Variants in PNPLA7 observed in about 807,000 individuals in gnomAD.
PNPLA7 encodes patatin like domain 7, lysophospholipase.
A neutral mutation model predicts 161.7 loss-of-function variants in PNPLA7; 153 were observed. The observed-to-expected ratio is 0.95, with a 90% CI of 0.83 to 1.08. PNPLA7 has a LOEUF of 1.08. Among genes scored for constraint, PNPLA7 ranks in the 50% least tolerant of loss-of-function variants. PNPLA7 has a pLI of 0.00. For synonymous variants in PNPLA7, 809 were observed against 782.1 expected, an observed-to-expected ratio of 1.03 and a Z score of -0.57; for missense variants, 1,739 against 1,856.6, an observed-to-expected ratio of 0.94 and a Z score of 1.16.
At chr9:137,516,935 C>G (rs147413148) in intron 11 of PNPLA7, among the ~76,000 whole-genome samples, 182 of 151,970 alleles carry the variant, frequency 1.2e-3, no homozygotes, top group African/African-American at 4.3e-3. Flanking sequence ...GTCTCACAAG[C>G]ACACATGAGT....
At chr9:137,461,896 G>C (rs1017030356) in intron 32 of PNPLA7, 35 bp downstream of exon 32, 3 of 1,510,938 alleles carry the variant, frequency 2.0e-6, no homozygotes, top group Non-Finnish European at 2.7e-6. Flanking sequence ...GGCGCGGTCC[G>C]GGGAGCTGGG....
chr9:137,504,019 G>T (rs1204428806), intron 14 of PNPLA7, among the ~76,000 whole-genome samples: 2 of 108,858 alleles, frequency 1.8e-5, no homozygotes, highest in East Asian at 3.3e-4. Flanking sequence ...GAAGGAAGAA[G>T]AAGAAGGAGG....
chr9:137,488,130 C>T (rs945154908), intron 20 of PNPLA7, among the ~76,000 whole-genome samples: 13 of 152,256 alleles, frequency 8.5e-5, no homozygotes, highest in South Asian at 8.3e-4. Flanking sequence ...TCGGCCTGAA[C>T]GCTGCTCTCG....
intron 9 of PNPLA7, among the ~76,000 whole-genome samples, chr9:137,522,360 C>T (rs909577818): frequency 1.2e-4 from 18 of 146,748 alleles, no homozygotes; most frequent in East Asian, 4.3e-4. Context: ...AGGCGGGAGC[C>T]GCCGCGCCCG....
At chr9:137,492,195 G>A (rs1832795193) in intron 20 of PNPLA7, 12 of 985,136 alleles carry the variant, frequency 1.2e-5, no homozygotes, top group African/African-American at 1.7e-5. Flanking sequence ...ATATGCTGGA[G>A]CAGGGAAAAC....
At position 137,540,719 on chromosome 9, in the gene PNPLA7, C is replaced by T. The variant is rs200968966; in HGVS notation, c.670G>A (p.Gly224Ser). 13 of 1,608,706 alleles carry T rather than the reference C, an allele frequency of 8.1e-6. No homozygotes were observed. In the East Asian group the frequency reaches 1.1e-4, roughly 14 times the overall value. ...ACCTCTTTCACCACCACCTCGGTGC[C>T]GTCCTGCGCTTGGAGAGCAGAGTGG... ...RLEVCIQDTD[G>S]TEVVVKEVLA... Residue 224 changes from glycine (G) to serine (S), a missense_variant, in exon 8 of 35, where the codon GGC becomes AGC. This residue lies in a region of PNPLA7 where 152 missense variants were observed against 193.5 expected (regional missense o/e 0.79). Transcript: ENST00000406427. The surrounding 1 kb of genome is among the most constrained non-coding windows in gnomAD (Gnocchi z 5.1).
intron 8 of PNPLA7, among the ~76,000 whole-genome samples, chr9:137,529,753 G>A (rs1327306154): frequency 1.3e-5 from 2 of 151,446 alleles, no homozygotes; most frequent in Middle Eastern, 3.4e-3. Flanking sequence ...CGCCTCCTGG[G>A]TTGAAGCAAC....
chr9:137,543,862 G>A lies in PNPLA7; in HGVS notation c.274-47C>T, dbSNP rs1219753328. ...CAGCCACTGACCCTGCAAGCCGCAA[G>A]GTCCAAGCTCTTTGCCATGGGGATC... On this transcript the variant is annotated intron_variant, in intron 4 of 34. Transcript: ENST00000406427. This position sits in a 1 kb window ranked among gnomAD's most constrained non-coding sequence, Gnocchi z 6.9. 6.6e-7 allele frequency: 1 copy of A among 1,522,598 alleles called. No individual in the cohort carries two copies. The highest frequency in any genetic ancestry group is 9.1e-7 in the Non-Finnish European group (1 of 1,097,502). 94.3% of individuals were successfully genotyped at this position (1,522,598 alleles called of 1,614,324 possible).
rs1188601678 is a variant in PNPLA7 at position 137,499,020 on chromosome 9, C to T, written c.1758-775G>A. On this transcript the variant is annotated intron_variant, in intron 16 of 34. Transcript: ENST00000406427. The surrounding 1 kb of genome is among the most constrained non-coding windows in gnomAD (Gnocchi z 5.5). ...AGTGGCTGGGTGAGGGCGTGAAGGG[C>T]GTGAGCGTGGCACTTAGAGCCCTGG... Among the ~76,000 whole-genome samples the T allele has an allele frequency of 2.0e-5, 3 of 151,966 alleles. No homozygotes were observed. Among genetic ancestry groups the T allele is most frequent in the East Asian group, 3.9e-4 (2 of 5,182 alleles).
rs1363800376 is a variant in PNPLA7 at position 137,490,670 on chromosome 9, C to A, written c.2197+2343G>T. ...AGACCTTCTCTGAAAGAACCGCTAA[C>A]CACAATTCTTCAACAGCAAGGAGAC... On this transcript the variant is annotated intron_variant, in intron 20 of 34. Coordinates refer to ENST00000406427, the MANE Select transcript of PNPLA7 (RefSeq NM_001098537.3). This position sits in a 1 kb window ranked among gnomAD's most constrained non-coding sequence, Gnocchi z 4.1. Among the ~76,000 whole-genome samples the A allele has an allele frequency of 6.6e-6, 1 of 152,184 alleles. No individual in the cohort carries two copies. The highest frequency in any genetic ancestry group is 6.5e-5 in the Admixed American group (1 of 15,280).
At chr9:137,498,859 C>T (rs528592002) in intron 16 of PNPLA7, among the ~76,000 whole-genome samples, 8 of 152,228 alleles carry the variant, frequency 5.3e-5, no homozygotes, top group South Asian at 2.1e-4. Context: ...TGACGCCGGG[C>T]GACTCCAGGC....
chr9:137,461,626 G>T lies in PNPLA7; in HGVS notation c.3757-6C>A. The T allele has an allele frequency of 6.2e-7, 1 of 1,607,964 alleles. No homozygotes were observed. The highest frequency in any genetic ancestry group is 8.5e-7 in the Non-Finnish European group (1 of 1,176,720). ...GCGTTGGGACAGGTGAGGACCTAGGGGTGGGGTGAGGACAGCACGTTGCCT... is the reference window on the plus strand; with the variant it reads ...GCGTTGGGACAGGTGAGGACCTAGGTGTGGGGTGAGGACAGCACGTTGCCT... On this transcript the variant is annotated splice_region_variant and splice_polypyrimidine_tract_variant and intron_variant, in intron 32 of 34. Transcript: ENST00000406427.
intron 29 of PNPLA7, chr9:137,463,072 C>A: frequency 1.6e-6 from 1 of 628,038 alleles, no homozygotes; most frequent in South Asian, 2.0e-5. Flanking sequence ...TGGCCTGGCC[C>A]CCAGCAAGCT....
In PNPLA7 at chr9:137,490,495, A is replaced by G. The variant is rs1290648132; in HGVS notation, c.2197+2518T>C. On this transcript the variant is annotated intron_variant, in intron 20 of 34. Coordinates refer to ENST00000406427, the MANE Select transcript of PNPLA7 (RefSeq NM_001098537.3). The surrounding 1 kb of genome is among the most constrained non-coding windows in gnomAD (Gnocchi z 4.1). ...TGAGAAGCAACAGAGGCCATGAGGA[A>G]GTGGCACAAGATTTTTAAAGTGCTG... Among the ~76,000 whole-genome samples the G allele has an allele frequency of 6.6e-6, 1 of 152,236 alleles. No individual in the cohort carries two copies. The highest frequency in any genetic ancestry group is 1.5e-5 in the Non-Finnish European group (1 of 68,048).
intron 11 of PNPLA7, among the ~76,000 whole-genome samples, chr9:137,518,553 ACTCG>A (rs201967652): frequency 7.5e-5 from 3 of 40,188 alleles, no homozygotes; most frequent in African/African-American, 3.2e-4. Flanking sequence ...TCCCCCACTC[ACTCG>A]CTCCACTCTG....
At chr9:137,538,384 G>A (rs757694308) in intron 8 of PNPLA7, among the ~76,000 whole-genome samples, 1 of 152,198 alleles carries the variant, frequency 6.6e-6, no homozygotes, top group African/African-American at 2.4e-5. Context: ...TGGACACCCC[G>A]ATGTCTGGCT....
intron 20 of PNPLA7, among the ~76,000 whole-genome samples, chr9:137,492,522 T>C (rs1174447871): frequency 4.3e-5 from 1 of 23,402 alleles, no homozygotes; most frequent in African/African-American, 1.7e-4. Flanking sequence ...TGGGTGGGGC[T>C]CCAGCACAGG....
chr9:137,520,068 T>C lies in PNPLA7; in HGVS notation c.958-25A>G, dbSNP rs1370300193. On this transcript the variant is annotated intron_variant, in intron 10 of 34. Coordinates refer to ENST00000406427, the MANE Select transcript of PNPLA7 (RefSeq NM_001098537.3). The surrounding 1 kb of genome is among the most constrained non-coding windows in gnomAD (Gnocchi z 5.2). ...CCTGGGACACAAGAAGGAAGTTCAG[T>C]GCCACCCCAGGAACACCCCACACCC... is the stretch of plus-strand genomic sequence containing the variant. 1 of 1,610,724 alleles carries C rather than the reference T, an allele frequency of 6.2e-7. No homozygotes were observed. Among genetic ancestry groups the C allele is most frequent in the Non-Finnish European group, 8.5e-7 (1 of 1,179,512 alleles).
chr9:137,493,748 C>T (rs1202804709), intron 19 of PNPLA7, among the ~76,000 whole-genome samples: 1 of 152,242 alleles, frequency 6.6e-6, no homozygotes, highest in Non-Finnish European at 1.5e-5. Context: ...GAACGAGGCC[C>T]ACCCTGCAGG....
Sources: allele counts gnomAD v4.1 joint callset (sites outside exome capture counted in the v4.1 genomes callset), GRCh38; gene constraint gnomAD v4.1.1; regional missense constraint gnomAD v4.1.1; non-coding constraint Gnocchi (gnomAD v3.1); transcripts MANE v1.5; gene names NCBI Gene and HGNC (gene_info 2026-07-23, HGNC 2026-07-21).